Variants in PLEKHH2 observed in about 807,000 individuals in gnomAD.
PLEKHH2 encodes the protein pleckstrin homology domain-containing family H member 2.
A neutral mutation model predicts 187.9 loss-of-function variants in PLEKHH2; 129 were observed. That is an observed-to-expected ratio of 0.69 (90% CI 0.59 to 0.79). The LOEUF is 0.79. PLEKHH2 is among the 30% of genes least tolerant of loss of function. The pLI is 0.00. For missense variants in PLEKHH2, 2,076 were observed against 1,751.2 expected, an observed-to-expected ratio of 1.19 and a Z score of -3.31; for synonymous variants, 686 against 605.6, an observed-to-expected ratio of 1.13 and a Z score of -1.95.
At chr2:43,740,704 C>T (rs1456998980) in intron 20 of PLEKHH2, 7 of 440,266 alleles carry the variant, frequency 1.6e-5, no homozygotes, top group Non-Finnish European at 2.4e-5. Context: ...ACCTTGTCTG[C>T]TTGTGCCTTG....
At chr2:43,675,454 A>G (rs746020689) in intron 2 of PLEKHH2, 4 of 1,613,642 alleles carry the variant, frequency 2.5e-6, no homozygotes, top group Middle Eastern at 1.6e-4. Flanking sequence ...GAGCCGGTAC[A>G]GGCCATACAT....
intron 19 of PLEKHH2, among the ~76,000 whole-genome samples, chr2:43,733,101 G>A (rs1432503523): frequency 6.6e-6 from 1 of 152,116 alleles, no homozygotes; most frequent in African/African-American, 2.4e-5. Flanking sequence ...AGTGGCTCAC[G>A]CCTGTAATCC....
chr2:43,676,770 A>G (rs988629639), intron 2 of PLEKHH2, among the ~76,000 whole-genome samples: 2 of 151,992 alleles, frequency 1.3e-5, no homozygotes, highest in Non-Finnish European at 2.9e-5. Flanking sequence ...TCGTTTTAGT[A>G]TTTGTGTGTC....
Position 43,694,413 on chromosome 2 carries a change from T to C in PLEKHH2, c.337-18T>C. On this transcript the variant is annotated intron_variant, in intron 4 of 29. Transcript: ENST00000282406. Reference sequence around the variant, plus strand: ...TGAGTTTATGTTTGAACTAAACAAATTGCTATTGTTATTTCAGAAACAAAT... The same window carrying C: ...TGAGTTTATGTTTGAACTAAACAAACTGCTATTGTTATTTCAGAAACAAAT... 1 of 1,545,066 alleles carries C rather than the reference T, an allele frequency of 6.5e-7. No individual in the cohort carries two copies. The highest frequency in any genetic ancestry group is 1.9e-5 in the Admixed American group (1 of 52,156).
chr2:43,687,661 C>G (rs894353619), intron 3 of PLEKHH2, among the ~76,000 whole-genome samples: 10 of 152,064 alleles, frequency 6.6e-5, no homozygotes, highest in African/African-American at 1.9e-4. Context: ...TTATTTTTTA[C>G]TTTTTTAATA....
chr2:43,694,639 T>C, intron 5 of PLEKHH2, 125 bp downstream of exon 5: 2 of 1,018,826 alleles, frequency 2.0e-6, no homozygotes, highest in Non-Finnish European at 2.7e-6. Context: ...ACTGCTATCT[T>C]TTGATAAATG....
Position 43,726,398 on chromosome 2 carries a change from C to G in PLEKHH2, c.2668C>G (p.His890Asp), listed in dbSNP as rs375282661. 5 of 1,611,536 alleles carry G rather than the reference C, an allele frequency of 3.1e-6. No homozygotes were observed. Among genetic ancestry groups the G allele is most frequent in the Non-Finnish European group, 4.2e-6 (5 of 1,177,864 alleles). ...LLSTHYTIVI[H>D]PKDQGPTYLL... ...ATCCACACATTATACTATCGTTATC[C>G]ATCCCAAAGACCAAGGTCCAACTTA... Residue 890 changes from histidine to aspartate, a missense_variant, in exon 17 of 30, where the codon CAT (histidine) becomes GAT (aspartate). Coordinates refer to ENST00000282406, the MANE Select transcript of PLEKHH2 (RefSeq NM_172069.4).
intron 9 of PLEKHH2, among the ~76,000 whole-genome samples, chr2:43,704,397 C>T (rs1165156915): frequency 6.6e-6 from 1 of 151,988 alleles, no homozygotes; most frequent in Non-Finnish European, 1.5e-5. Context: ...CACGGTGGCT[C>T]GCGCCTGTTA....
At chr2:43,760,359 CTTTTTTTTTT>C (rs763777313) in intron 27 of PLEKHH2, among the ~76,000 whole-genome samples, 1 of 119,076 alleles carries the variant, frequency 8.4e-6, no homozygotes, top group South Asian at 2.7e-4. Context: ...ACCCTTTAAC[CTTTTTTTTTT>C]TTTTTTTTTT....
chr2:43,712,784 C>T (rs755061446), intron 15 of PLEKHH2, among the ~76,000 whole-genome samples: 1 of 151,874 alleles, frequency 6.6e-6, no homozygotes. Context: ...GAGAGATCAT[C>T]GAGGTTAGAA....
At chr2:43,740,559 A>G (rs911913634) in intron 20 of PLEKHH2, among the ~76,000 whole-genome samples, 1 of 152,210 alleles carries the variant, frequency 6.6e-6, no homozygotes, top group Non-Finnish European at 1.5e-5. Flanking sequence ...GTTTTGATTT[A>G]GGGCATGTGT....
intron 1 of PLEKHH2, 61 bp from the exon 2 acceptor site, chr2:43,644,610 G>GTGT: frequency 7.8e-7 from 1 of 1,283,704 alleles, no homozygotes; most frequent in East Asian, 2.6e-5. Context: ...AATATTAATT[G>GTGT]TGTTGTAGCA....
At chr2:43,656,451 AGAAGATAT>A (rs36210798) in intron 2 of PLEKHH2, among the ~76,000 whole-genome samples, 90,656 of 151,120 alleles carry the variant, frequency 0.6, 27,577 homozygotes, top group Middle Eastern at 0.67. Context: ...GAGAGCTAAG[AGAAGATAT>A]GAAGATATTC....
intron 1 of PLEKHH2, among the ~76,000 whole-genome samples, chr2:43,644,078 C>G (rs1041276566): frequency 1.1e-4 from 16 of 152,060 alleles, no homozygotes; most frequent in African/African-American, 3.6e-4. Flanking sequence ...CTTAAATACG[C>G]CAAAGGACCT....
rs1393850918 is a variant in PLEKHH2 at position 43,706,434 on chromosome 2, T to G, written c.1821+18T>G. On this transcript the variant is annotated intron_variant, in intron 10 of 29. Transcript: ENST00000282406. ...TGAAGGGGGTAACTCATTATTGTTA[T>G]TGTTAAAACATGTGCTTCTCTTCAT... The G allele has an allele frequency of 1.3e-6, 2 of 1,489,000 alleles. No homozygotes were observed. The highest frequency in any genetic ancestry group is 4.5e-5 in the East Asian group (2 of 44,212). The allele number at this position is 1,489,000 out of a possible 1,614,324, so 92.2% of individuals were successfully genotyped here.
At chr2:43,657,561 T>A (rs1666854269) in intron 2 of PLEKHH2, among the ~76,000 whole-genome samples, 1 of 152,300 alleles carries the variant, frequency 6.6e-6, no homozygotes, top group Middle Eastern at 3.4e-3. Flanking sequence ...GGCCCAGTTT[T>A]AAGGGAAGGG....
intron 3 of PLEKHH2, among the ~76,000 whole-genome samples, chr2:43,686,177 C>A (rs1668495200): frequency 6.6e-6 from 1 of 151,626 alleles, no homozygotes; most frequent in Non-Finnish European, 1.5e-5. Context: ...TCTTCCTCTT[C>A]CTCTTCTTCT....
intron 3 of PLEKHH2, among the ~76,000 whole-genome samples, chr2:43,686,941 G>A (rs760392536): frequency 1.7e-4 from 26 of 151,258 alleles, no homozygotes; most frequent in Non-Finnish European, 3.4e-4. Context: ...CTTATTTACA[G>A]CCTTATATCT....
At chr2:43,704,955 G>A (rs916059648) in intron 9 of PLEKHH2, among the ~76,000 whole-genome samples, 3 of 151,968 alleles carry the variant, frequency 2.0e-5, no homozygotes, top group African/African-American at 4.8e-5. Context: ...AGAAACTGTG[G>A]CATTTCAGCT....
Sources: gnomAD v4.1 joint callset for allele counts (sites outside exome capture counted in the v4.1 genomes callset) on GRCh38, gnomAD v4.1.1 for gene constraint, MANE v1.5 for transcripts, NCBI Gene and HGNC (gene_info 2026-07-23, HGNC 2026-07-21) for gene names.